The following IMPA1 variants were observed in gnomAD, a reference collection of about 807,000 sequenced individuals.
IMPA1 encodes the protein inositol monophosphatase 1.
In IMPA1, 21 loss-of-function variants were observed where a neutral mutation model predicts 34.9. The ratio of observed to expected loss-of-function variants is 0.60; its 90% CI spans 0.43 to 0.87. The LOEUF (loss-of-function observed/expected upper bound fraction) is 0.87, where lower values mean the gene tolerates loss of function less well. Among genes scored for constraint, IMPA1 ranks in the 40% least tolerant of loss-of-function variants. The pLI is 0.00. For synonymous variants in IMPA1, 95 were observed against 104.4 expected (o/e 0.91, Z 0.55); for missense variants, 299 against 336.4 (o/e 0.89, Z 0.87).
intron 7 of IMPA1, among the ~76,000 whole-genome samples, chr8:81,664,075 C>T (rs1369943209): frequency 2.0e-5 from 3 of 152,150 alleles, no homozygotes. Flanking sequence ...TAATATATAG[C>T]ATTAACTATA....
chr8:81,669,838 G>A (rs1280023191), intron 7 of IMPA1, among the ~76,000 whole-genome samples: 2 of 152,182 alleles, frequency 1.3e-5, no homozygotes, highest in Non-Finnish European at 2.9e-5. Context: ...ACTGAAAGGT[G>A]GGGTCTCTAA....
intron 1 of IMPA1, chr8:81,685,826 C>A: frequency 6.4e-7 from 1 of 1,551,064 alleles, no homozygotes; most frequent in East Asian, 2.4e-5. Context: ...TGGTCACAGC[C>A]TTCCAGCGTA....
chr8:81,681,439 A>G, intron 2 of IMPA1, 59 bp downstream of exon 2: 1 of 941,140 alleles, frequency 1.1e-6, no homozygotes, highest in Non-Finnish European at 1.7e-6. Flanking sequence ...AGGCAACAAC[A>G]CAGTATACCC....
At chr8:81,674,215 C>A (rs1351633197) in intron 5 of IMPA1, 1 of 334,974 alleles carries the variant, frequency 3.0e-6, no homozygotes, top group African/African-American at 2.1e-5. Flanking sequence ...ACAGGGCTTT[C>A]CTATTTTCTA....
At chr8:81,673,754 C>G (rs1807056282) in intron 6 of IMPA1, 87 bp downstream of exon 6, 2 of 752,122 alleles carry the variant, frequency 2.7e-6, no homozygotes, top group South Asian at 3.2e-5. Context: ...CAGTTAACAC[C>G]TGGAGAATTC....
At chr8:81,670,423 GA>G (rs1197140804) in intron 7 of IMPA1, among the ~76,000 whole-genome samples, 2 of 151,554 alleles carry the variant, frequency 1.3e-5, no homozygotes, top group Admixed American at 1.3e-4. Context: ...GTGCAGAAAA[GA>G]AAAAACCAGC....
chr8:81,666,167 C>A (rs1324402616), intron 7 of IMPA1, among the ~76,000 whole-genome samples: 1 of 152,036 alleles, frequency 6.6e-6, no homozygotes, highest in Non-Finnish European at 1.5e-5. Context: ...CTTACATAGG[C>A]AATAGGCGAA....
At position 81,660,588 on chromosome 8, in the gene IMPA1, T is replaced by C; in HGVS notation, c.646A>G (p.Ile216Val). 6.2e-7 allele frequency: 1 copy of C among 1,613,860 alleles called. No homozygotes were observed. The highest frequency in any genetic ancestry group is 8.5e-7 in the Non-Finnish European group (1 of 1,179,788). ...GGADAYYEMG[I>V]HCWDVAGAGI... is the part of the protein sequence containing the mutation. Reference sequence around the variant, plus strand: ...GCTCCTGCAACATCCCAGCAGTGAATTCCCATTTCATAATATGCATCTGCT... The same window carrying C: ...GCTCCTGCAACATCCCAGCAGTGAACTCCCATTTCATAATATGCATCTGCT... Residue 216 changes from isoleucine (I) to valine (V), a missense_variant, in exon 8 of 9, where the codon ATT becomes GTT. By Grantham distance (29) the Ile-to-Val change is conservative. Coordinates refer to ENST00000256108, the MANE Select transcript of IMPA1 (RefSeq NM_005536.4).
intron 7 of IMPA1, among the ~76,000 whole-genome samples, chr8:81,669,752 CA>C (rs1039010068): frequency 1.3e-5 from 2 of 152,080 alleles, no homozygotes; most frequent in Admixed American, 6.5e-5. Context: ...TGGGGAGTGT[CA>C]GGGGTGGAAT....
At position 81,657,352 on chromosome 8, in the gene IMPA1, T is replaced by C. The variant is rs1806546665; in HGVS notation, c.*1999A>G. Among the ~76,000 whole-genome samples the C allele has an allele frequency of 6.6e-6, 1 of 151,426 alleles. No individual in the cohort carries two copies. The highest frequency in any genetic ancestry group is 2.4e-5 in the African/African-American group (1 of 41,184). The stretch of plus-strand genomic sequence containing the variant: ...CTGTAATCCCAGCACTTTAGAAGGC[T>C]GAGGCAGGAGGATCACTTGAGCCCA... On this transcript the variant is annotated 3_prime_UTR_variant, in exon 9 of 9. Coordinates refer to ENST00000256108, the MANE Select transcript of IMPA1 (RefSeq NM_005536.4).
intron 4 of IMPA1, among the ~76,000 whole-genome samples, chr8:81,678,188 G>GGCCCCA (rs1226299262): frequency 8.1e-5 from 12 of 148,660 alleles, no homozygotes; most frequent in East Asian, 5.9e-4. Flanking sequence ...TTTTTTTGCC[G>GGCCCCA]GCCCCAGCCC....
chr8:81,686,060 C>G, intron 1 of IMPA1, 192 bp downstream of exon 1: 4 of 1,089,522 alleles, frequency 3.7e-6, no homozygotes, highest in Non-Finnish European at 4.9e-6. Context: ...ACTCCAATGC[C>G]GGAACTGTTC....
At chr8:81,666,133 G>A (rs749708756) in intron 7 of IMPA1, among the ~76,000 whole-genome samples, 141 of 152,310 alleles carry the variant, frequency 9.3e-4, no homozygotes, top group Non-Finnish European at 1.1e-3. Flanking sequence ...ATGGGATAAA[G>A]AGAGAGAAAA....
Position 81,680,761 on chromosome 8 carries a change from T to G in IMPA1, c.86A>C (p.Asn29Thr), listed in dbSNP as rs778052083. 33 of 1,607,720 alleles carry G rather than the reference T, an allele frequency of 2.1e-5. No individual in the cohort carries two copies. In the African/African-American group the frequency reaches 4.1e-4, roughly 20 times the overall value. The change falls in exon 3 of 9, where the codon AAT (asparagine) becomes ACT (threonine). Residue 29 changes from asparagine to threonine, a missense_variant. Asn to Thr is a moderately conservative substitution (Grantham distance 65, BLOSUM62 0). Transcript: ENST00000256108. ...AGEVVCEAIK[N>T]EMNVMLKSSP... Reference sequence around the variant, plus strand: ...ACTTTTCAGCATAACATTCATTTCATTTTTTATAGCTTCACAAACTACCTA... The same window carrying G: ...ACTTTTCAGCATAACATTCATTTCAGTTTTTATAGCTTCACAAACTACCTA...
intron 6 of IMPA1, among the ~76,000 whole-genome samples, chr8:81,671,810 T>C (rs1052889211): frequency 3.3e-5 from 5 of 151,990 alleles, no homozygotes; most frequent in East Asian, 1.9e-4. Context: ...GGCAGGAGAA[T>C]AGCTTAAACC....
chr8:81,679,613 AG>A (rs977343117), intron 3 of IMPA1, among the ~76,000 whole-genome samples: 1 of 114,022 alleles, frequency 8.8e-6, no homozygotes, highest in African/African-American at 3.7e-5. Flanking sequence ...ACTCTGTCTC[AG>A]GAAAAAAAAA....
chr8:81,661,164 T>G (rs931693901), intron 7 of IMPA1, among the ~76,000 whole-genome samples: 1 of 152,188 alleles, frequency 6.6e-6, no homozygotes. Flanking sequence ...CTTGGAAAAT[T>G]ACTGCAGGTT....
At chr8:81,684,523 G>GTACTATATATACTACACA (rs1807418432) in intron 1 of IMPA1, among the ~76,000 whole-genome samples, 1 of 129,756 alleles carries the variant, frequency 7.7e-6, no homozygotes, top group South Asian at 2.4e-4. Flanking sequence ...GATACTATGT[G>GTACTATATATACTACACA]TAGTATATAT....
chr8:81,667,990 A>T (rs1324195147), intron 7 of IMPA1, among the ~76,000 whole-genome samples: 1 of 151,712 alleles, frequency 6.6e-6, no homozygotes, highest in Admixed American at 6.6e-5. Context: ...CGCCTGGCTA[A>T]TTTTTTGTAT....
Sources: gnomAD v4.1 joint callset for allele counts (sites outside exome capture counted in the v4.1 genomes callset) on GRCh38, gnomAD v4.1.1 for gene constraint, MANE v1.5 for transcripts, NCBI Gene and HGNC (gene_info 2026-07-23, HGNC 2026-07-21) for gene names.